STX8: variants seen among roughly 807,000 people sequenced by gnomAD.
STX8 encodes the protein syntaxin-8.
A neutral mutation model predicts 37.5 loss-of-function variants in STX8; 23 were observed. The ratio of observed to expected loss-of-function variants is 0.61; its 90% CI spans 0.44 to 0.87. The LOEUF (loss-of-function observed/expected upper bound fraction) is 0.87. Ranked by LOEUF, STX8 falls within the 40% of genes least tolerant of loss-of-function variation. The probability of loss-of-function intolerance (pLI) is 0.00; values close to 1 mark genes in which losing one functional copy is unlikely to be tolerated. For synonymous variants in STX8, 115 were observed against 99.1 expected (o/e 1.16, Z -0.95); for missense variants, 313 against 284.7 (o/e 1.10, Z -0.71).
chr17:9,379,109 G>A (rs1381259306), intron 6 of STX8, among the ~76,000 whole-genome samples: 1 of 152,030 alleles, frequency 6.6e-6, no homozygotes, highest in Non-Finnish European at 1.5e-5. Flanking sequence ...GCCGGGTGTG[G>A]TGGTGTGCAC....
chr17:9,535,926 G>A (rs1401779475), intron 4 of STX8, among the ~76,000 whole-genome samples: 1 of 152,124 alleles, frequency 6.6e-6, no homozygotes, highest in Non-Finnish European at 1.5e-5. Context: ...CTTACGTCAC[G>A]ATTGGGAAAA....
intron 4 of STX8, among the ~76,000 whole-genome samples, chr17:9,519,484 C>A (rs1231835483): frequency 6.6e-6 from 1 of 152,096 alleles, no homozygotes. Flanking sequence ...GGCTCAGACA[C>A]CCATCACCTC....
At chr17:9,509,100 T>A (rs2142506098) in intron 4 of STX8, among the ~76,000 whole-genome samples, 1 of 152,076 alleles carries the variant, frequency 6.6e-6, no homozygotes, top group Admixed American at 6.6e-5. Context: ...TACAAAAAAA[T>A]TAGCTGGGCA....
chr17:9,288,959 C>T (rs1275400337), intron 7 of STX8, among the ~76,000 whole-genome samples: 5 of 151,972 alleles, frequency 3.3e-5, no homozygotes, highest in African/African-American at 9.7e-5. Flanking sequence ...AACACAATAA[C>T]GGGGGTAAGC....
In STX8 at chr17:9,326,691, T is replaced by C. The variant is rs545029994; in HGVS notation, c.643+51861A>G. Among the ~76,000 whole-genome samples, 11 of 152,272 alleles carry C rather than the reference T, an allele frequency of 7.2e-5. No homozygotes were observed. The East Asian group carries it at 7.7e-4, about 11-fold the overall frequency. On this transcript the variant is annotated intron_variant, in intron 7 of 7. Coordinates refer to ENST00000306357, the MANE Select transcript of STX8 (RefSeq NM_004853.3). ...CCTGGTGATAAGACACTAGTGCTTATGCATTCCAACACAGAAGGGACATGG... is the reference window on the plus strand; with the variant it reads ...CCTGGTGATAAGACACTAGTGCTTACGCATTCCAACACAGAAGGGACATGG...
intron 6 of STX8, chr17:9,464,659 G>A (rs1905531207): frequency 6.6e-6 from 1 of 151,916 alleles, no homozygotes; most frequent in African/African-American, 2.4e-5. Context: ...AACAAGTGTG[G>A]GAGGGACCTA....
intron 6 of STX8, among the ~76,000 whole-genome samples, chr17:9,445,860 CAG>C (rs1309606789): frequency 8.0e-6 from 1 of 124,820 alleles, no homozygotes; most frequent in Non-Finnish European, 1.6e-5. Flanking sequence ...TTTTTTGAGA[CAG>C]AGTCTTGCTC....
chr17:9,308,987 T>A (rs1909098223), intron 7 of STX8, among the ~76,000 whole-genome samples: 1 of 152,094 alleles, frequency 6.6e-6, no homozygotes, highest in Admixed American at 6.6e-5. Flanking sequence ...AAGCCTAGTT[T>A]TCTTTTTTTT....
chr17:9,445,252 A>G (rs1471771911), intron 6 of STX8, among the ~76,000 whole-genome samples: 2 of 152,036 alleles, frequency 1.3e-5, no homozygotes, highest in African/African-American at 4.8e-5. Flanking sequence ...TGGCACTCCA[A>G]TGAAATGCCA....
intron 7 of STX8, among the ~76,000 whole-genome samples, chr17:9,292,710 A>C (rs182340306): frequency 2.0e-5 from 3 of 152,318 alleles, no homozygotes; most frequent in Non-Finnish European, 4.4e-5. Context: ...GCCCTGGCTT[A>C]CTAGGGCTTG....
chr17:9,331,054 G>A (rs924954575), intron 7 of STX8, among the ~76,000 whole-genome samples: 2 of 152,170 alleles, frequency 1.3e-5, no homozygotes, highest in African/African-American at 4.8e-5. Context: ...TTATAAAACA[G>A]GAAACAAAGG....
chr17:9,448,174 C>CAA (rs71930141), intron 6 of STX8, among the ~76,000 whole-genome samples: 43,462 of 140,012 alleles, frequency 0.31, 7,392 homozygotes, highest in African/African-American at 0.44. Context: ...GACTCCATCT[C>CAA]AAAAAAAAAA....
intron 6 of STX8, among the ~76,000 whole-genome samples, chr17:9,482,801 T>C (rs9900523): frequency 0.037 from 5,549 of 151,984 alleles, 324 homozygotes; most frequent in African/African-American, 0.12. Flanking sequence ...GTAATTGCAG[T>C]TACTTGGGAG....
chr17:9,300,640 T>C (rs1908737553), intron 7 of STX8, among the ~76,000 whole-genome samples: 1 of 152,124 alleles, frequency 6.6e-6, no homozygotes, highest in African/African-American at 2.4e-5. Flanking sequence ...ATTTTATATC[T>C]GGCAAAGGAC....
chr17:9,529,893 TCG>T (rs912009788), intron 4 of STX8, among the ~76,000 whole-genome samples: 3 of 152,056 alleles, frequency 2.0e-5, no homozygotes, highest in Non-Finnish European at 4.4e-5. Flanking sequence ...GGTGGGAGAA[TCG>T]CGTGAGCCCA....
At chr17:9,404,117 TAAGG>T (rs918918404) in intron 6 of STX8, among the ~76,000 whole-genome samples, 18 of 152,124 alleles carry the variant, frequency 1.2e-4, no homozygotes, top group Non-Finnish European at 1.9e-4. Context: ...CAGAAAATCA[TAAGG>T]AAGAGAAAAT....
intron 6 of STX8, among the ~76,000 whole-genome samples, chr17:9,465,976 C>CTT (rs980974145): frequency 1.6e-4 from 23 of 147,148 alleles, no homozygotes; most frequent in Non-Finnish European, 3.2e-4. Context: ...TTTTAGTATT[C>CTT]TTTTTTTTTT....
intron 6 of STX8, among the ~76,000 whole-genome samples, chr17:9,462,576 C>A (rs967073458): frequency 6.6e-6 from 1 of 151,922 alleles, no homozygotes. Flanking sequence ...ACAAAAAATT[C>A]GCTGGGCGTG....
intron 7 of STX8, among the ~76,000 whole-genome samples, chr17:9,354,756 C>T (rs1417477479): frequency 6.6e-6 from 1 of 152,162 alleles, no homozygotes; most frequent in Non-Finnish European, 1.5e-5. Context: ...AGCAATCACT[C>T]AGTGTAATTT....
Sources: allele counts gnomAD v4.1 joint callset (sites outside exome capture counted in the v4.1 genomes callset), GRCh38; gene constraint gnomAD v4.1.1; transcripts MANE v1.5; gene names NCBI Gene and HGNC (gene_info 2026-07-23, HGNC 2026-07-21).